DACH2: variants seen among roughly 807,000 people sequenced by gnomAD.
DACH2 encodes dachshund homolog 2.
Under a neutral mutation model 35.8 loss-of-function variants are expected in DACH2, and 17 were observed. That is an observed-to-expected ratio of 0.48 (90% confidence interval 0.33 to 0.71). DACH2 has a LOEUF of 0.71. Ranked by LOEUF, DACH2 falls within the 30% of genes least tolerant of loss-of-function variation. DACH2 has a pLI of 0.02. For missense variants in DACH2, 469 were observed against 472.7 expected, an observed-to-expected ratio of 0.99 and a Z score of 0.07; for synonymous variants, 195 against 177.3, an observed-to-expected ratio of 1.10 and a Z score of -0.79.
intron 1 of DACH2, among the ~76,000 whole-genome samples, chrX:86,301,518 T>C (rs1156789007): frequency 8.9e-6 from 1 of 112,048 alleles, no homozygotes. Flanking sequence ...AGACATTTAA[T>C]TACAAGGTAA....
At chrX:86,740,924 T>G (rs1201356121) in intron 7 of DACH2, among the ~76,000 whole-genome samples, 7 of 111,440 alleles carry the variant, frequency 6.3e-5, no homozygotes, top group Non-Finnish European at 1.3e-4. Context: ...TATATAGAAG[T>G]CGACAGGTAC....
chrX:86,217,110 A>G lies in DACH2; in HGVS notation c.488+68002A>G, dbSNP rs1216476619. On this transcript the variant is annotated intron_variant, in intron 1 of 11. Coordinates refer to ENST00000373125, the MANE Select transcript of DACH2 (RefSeq NM_053281.3). ...ATCTCAAAAATAAAAAAAAAAAAAA[A>G]GGAAGAAAAGAAACAGAAGTGTTAT... Among the ~76,000 whole-genome samples the G allele has an allele frequency of 3.0e-5, 3 of 100,071 alleles. No homozygotes were observed. In the Admixed American group the frequency reaches 3.2e-4, roughly 11 times the overall value. The allele number at this position is 100,071 out of a possible 115,157, so 86.9% of individuals were successfully genotyped here. A position where few individuals can be genotyped will look rare whatever the true frequency, so the allele number is the denominator to read the frequency against.
intron 3 of DACH2, among the ~76,000 whole-genome samples, chrX:86,616,970 A>T (rs1312228414): frequency 8.9e-6 from 1 of 111,854 alleles, no homozygotes; most frequent in African/African-American, 3.2e-5. Context: ...TCCAATTTCG[A>T]TCTTCTGCAT....
chrX:86,716,781 G>C (rs1440574331), intron 6 of DACH2, among the ~76,000 whole-genome samples: 1 of 111,900 alleles, frequency 8.9e-6, no homozygotes, highest in Non-Finnish European at 1.9e-5. Flanking sequence ...AAATGGAAAA[G>C]ATAATTATCT....
intron 1 of DACH2, among the ~76,000 whole-genome samples, chrX:86,376,094 CT>C (rs1016041452): frequency 9.3e-6 from 1 of 108,035 alleles, no homozygotes; most frequent in Non-Finnish European, 1.9e-5. Context: ...AAATGGATCT[CT>C]TTTGTATGTG....
At chrX:86,363,986 T>C (rs771493137) in intron 1 of DACH2, among the ~76,000 whole-genome samples, 17 of 111,605 alleles carry the variant, frequency 1.5e-4, no homozygotes, top group Non-Finnish European at 2.8e-4. Context: ...GGAAATGAGT[T>C]TCTTTCCTAT....
intron 3 of DACH2, among the ~76,000 whole-genome samples, chrX:86,592,245 G>A (rs753000744): frequency 9.0e-6 from 1 of 111,544 alleles, no homozygotes; most frequent in East Asian, 2.8e-4. Flanking sequence ...CTTTTTGCAT[G>A]TGGATATCCA....
At chrX:86,331,332 A>AG (rs1368333054) in intron 1 of DACH2, among the ~76,000 whole-genome samples, 1 of 111,188 alleles carries the variant, frequency 9.0e-6, no homozygotes, top group Non-Finnish European at 1.9e-5. Context: ...GCTTCATGAC[A>AG]CCTGGGCTTT....
intron 3 of DACH2, among the ~76,000 whole-genome samples, chrX:86,544,026 G>A (rs1446240405): frequency 9.0e-6 from 1 of 111,263 alleles, no homozygotes; most frequent in East Asian, 2.8e-4. Flanking sequence ...TTAGCAGAAT[G>A]GACCAAGCTG....
At chrX:86,525,762 C>A (rs935520784) in intron 3 of DACH2, among the ~76,000 whole-genome samples, 1 of 111,181 alleles carries the variant, frequency 9.0e-6, no homozygotes, top group Non-Finnish European at 1.9e-5. Flanking sequence ...CCACAGTGCC[C>A]TGCTTTCCAT....
At chrX:86,790,188 C>A (rs1200562219) in intron 7 of DACH2, among the ~76,000 whole-genome samples, 3 of 111,234 alleles carry the variant, frequency 2.7e-5, no homozygotes, top group Non-Finnish European at 5.7e-5. Flanking sequence ...GTCAACTTTG[C>A]AAGATAATTG....
intron 7 of DACH2, among the ~76,000 whole-genome samples, chrX:86,763,220 A>G (rs1211544965): frequency 8.9e-6 from 1 of 112,047 alleles, no homozygotes; most frequent in East Asian, 2.8e-4. Context: ...CCAAATGCCC[A>G]TGAGCAGTAG....
chrX:86,159,561 A>C (rs1485453119), intron 1 of DACH2, among the ~76,000 whole-genome samples: 2 of 112,096 alleles, frequency 1.8e-5, no homozygotes, highest in Admixed American at 9.5e-5. Flanking sequence ...TTTAGGTCTC[A>C]CTTTATAAGC....
intron 2 of DACH2, among the ~76,000 whole-genome samples, chrX:86,411,197 G>A (rs2036609225): frequency 1.9e-5 from 2 of 105,911 alleles, no homozygotes; most frequent in African/African-American, 3.4e-5. Context: ...ATGCAGCACA[G>A]CATGGAAGAA....
intron 11 of DACH2, among the ~76,000 whole-genome samples, chrX:86,825,480 G>T (rs1034470139): frequency 1.8e-5 from 2 of 111,572 alleles, no homozygotes; most frequent in African/African-American, 6.5e-5. Flanking sequence ...TATGGAAAGT[G>T]GGGGACTTGA....
At chrX:86,185,770 A>T (rs1222501757) in intron 1 of DACH2, among the ~76,000 whole-genome samples, 1 of 112,250 alleles carries the variant, frequency 8.9e-6, no homozygotes, top group African/African-American at 3.2e-5. Flanking sequence ...TATTTAGTTT[A>T]AAAACCTGAT....
intron 1 of DACH2, among the ~76,000 whole-genome samples, chrX:86,239,186 T>A: frequency 8.9e-6 from 1 of 111,946 alleles, no homozygotes; most frequent in Non-Finnish European, 1.9e-5. Context: ...TGGTTTGAGC[T>A]TTGAAGTAAC....
chrX:86,155,234 T>C (rs2030504288), intron 1 of DACH2, among the ~76,000 whole-genome samples: 1 of 110,757 alleles, frequency 9.0e-6, no homozygotes, highest in East Asian at 2.8e-4. Flanking sequence ...TATGAAGGGA[T>C]TTAGAACCCC....
chrX:86,734,029 G>A (rs1860095277), intron 6 of DACH2, among the ~76,000 whole-genome samples: 1 of 108,585 alleles, frequency 9.2e-6, no homozygotes, highest in Admixed American at 9.9e-5. Flanking sequence ...TGGGTGGGTG[G>A]CAGAGTTACA....
Sources: allele counts gnomAD v4.1 joint callset (sites outside exome capture counted in the v4.1 genomes callset), GRCh38; gene constraint gnomAD v4.1.1; transcripts MANE v1.5; gene names NCBI Gene and HGNC (gene_info 2026-07-23, HGNC 2026-07-21).